TMEM182: variants seen among roughly 807,000 people sequenced by gnomAD.
TMEM182 encodes transmembrane protein 182.
TMEM182 carries 20 observed loss-of-function variants against 26.8 expected under a neutral mutation model. That is an observed-to-expected ratio of 0.75 (90% CI 0.53 to 1.09). The LOEUF is 1.09. Ranked by LOEUF, TMEM182 falls within the 50% of genes least tolerant of loss-of-function variation. The probability of loss-of-function intolerance (pLI) is 0.00; values close to 1 mark genes in which losing one functional copy is unlikely to be tolerated. For missense variants in TMEM182, 277 were observed against 275.5 expected, an observed-to-expected ratio of 1.01 and a Z score of -0.04; for synonymous variants, 109 against 102.2, an observed-to-expected ratio of 1.07 and a Z score of -0.40.
chr2:102,797,368 G>A (rs1681911942), intron 3 of TMEM182, among the ~76,000 whole-genome samples: 2 of 152,096 alleles, frequency 1.3e-5, no homozygotes, highest in Admixed American at 1.3e-4. Flanking sequence ...TGTGGTTAGG[G>A]GCTTGGGGTG....
chr2:102,764,293 C>A, intron 2 of TMEM182, 36 bp from the exon 3 acceptor site: 1 of 1,599,820 alleles, frequency 6.3e-7, no homozygotes, highest in Non-Finnish European at 8.6e-7. Flanking sequence ...CTGAGCTTTT[C>A]AATAACAAGT....
At chr2:102,752,890 G>T (rs1679916630) in intron 1 of TMEM182, among the ~76,000 whole-genome samples, 1 of 152,206 alleles carries the variant, frequency 6.6e-6, no homozygotes. Flanking sequence ...ATAACTGAAG[G>T]ACAGAAGAGG....
chr2:102,798,368 C>G (rs1311228910), intron 4 of TMEM182, among the ~76,000 whole-genome samples: 2 of 152,110 alleles, frequency 1.3e-5, no homozygotes, highest in African/African-American at 4.8e-5. Context: ...TATTAATTTT[C>G]TGTCTGTAAA....
chr2:102,774,526 A>G (rs1680828441), intron 3 of TMEM182, among the ~76,000 whole-genome samples: 2 of 151,698 alleles, frequency 1.3e-5, no homozygotes, highest in Non-Finnish European at 2.9e-5. Flanking sequence ...CAGCCTCCCA[A>G]AGTGCTGGGA....
chr2:102,807,841 C>T (rs1456703369), intron 4 of TMEM182, among the ~76,000 whole-genome samples: 1 of 152,182 alleles, frequency 6.6e-6, no homozygotes, highest in African/African-American at 2.4e-5. Context: ...AAAATTAATA[C>T]ATATGAAAAC....
At chr2:102,760,132 A>G (rs954698467), upstream of TMEM182, among the ~76,000 whole-genome samples, 10 of 152,230 alleles carry the variant, frequency 6.6e-5, no homozygotes, top group African/African-American at 2.4e-4. Context: ...GCACTTGAAA[A>G]TTGTAGGAAA....
At chr2:102,812,009 CAT>C (rs1336431961) in intron 4 of TMEM182, among the ~76,000 whole-genome samples, 2 of 152,102 alleles carry the variant, frequency 1.3e-5, no homozygotes, top group Non-Finnish European at 2.9e-5. Context: ...TATATATACA[CAT>C]GTGTATTTTA....
At position 102,816,546 on chromosome 2, in the gene TMEM182, T is replaced by TAATAAA. The variant is rs1553444501; in HGVS notation, c.*1580_*1581insTAAAAA. ...ATAATAATAATAATAATAATAATAATAAAGCTCCAGAGGCCTAACTGGTTT... is the reference window on the plus strand; with the variant it reads ...ATAATAATAATAATAATAATAATAATAATAAAAAAGCTCCAGAGGCCTAACTGGTTT... On this transcript the variant is annotated 3_prime_UTR_variant, in exon 5 of 5. Coordinates refer to ENST00000412401, the MANE Select transcript of TMEM182 (RefSeq NM_144632.5). The TAATAAA allele has an allele frequency of 3.8e-5, 37 of 971,148 alleles. No homozygotes were observed. In the African/African-American group the frequency reaches 6.2e-4, roughly 16 times the overall value. The allele number at this position is 971,148 out of a possible 1,614,324, so 60.2% of individuals were successfully genotyped here.
chr2:102,751,639 A>G (rs901106688), intron 1 of TMEM182, among the ~76,000 whole-genome samples: 1 of 151,862 alleles, frequency 6.6e-6, no homozygotes, highest in African/African-American at 2.4e-5. Context: ...TACCCTCACT[A>G]TCTGCTACAT....
At chr2:102,819,982 C>T (rs1682878261), downstream of TMEM182, among the ~76,000 whole-genome samples, 1 of 152,208 alleles carries the variant, frequency 6.6e-6, no homozygotes, top group Non-Finnish European at 1.5e-5. Flanking sequence ...ATGTTCTGCA[C>T]ACCAACTGGC....
chr2:102,768,007 G>A (rs940537702), intron 3 of TMEM182, among the ~76,000 whole-genome samples: 13 of 151,970 alleles, frequency 8.6e-5, no homozygotes, highest in Admixed American at 3.3e-4. Flanking sequence ...CTAACAGAGC[G>A]GGTTTATCTC....
At chr2:102,751,105 A>G (rs903289845) in intron 1 of TMEM182, among the ~76,000 whole-genome samples, 2 of 152,148 alleles carry the variant, frequency 1.3e-5, no homozygotes, top group African/African-American at 4.8e-5. Context: ...AGTTAAGGAC[A>G]TGGACATACA....
intron 2 of TMEM182, 64 bp downstream of exon 2, chr2:102,762,750 T>A: frequency 7.3e-7 from 1 of 1,371,708 alleles, no homozygotes; most frequent in East Asian, 2.3e-5. Context: ...GTTTCTTACA[T>A]AGTATATGTC....
chr2:102,811,532 C>T (rs915254829), intron 4 of TMEM182, among the ~76,000 whole-genome samples: 7 of 152,068 alleles, frequency 4.6e-5, no homozygotes, highest in Non-Finnish European at 4.4e-5. Flanking sequence ...ATTTCTTCTC[C>T]GAATTATTTT....
intron 1 of TMEM182, among the ~76,000 whole-genome samples, chr2:102,744,149 C>T (rs1224661230): frequency 6.6e-6 from 1 of 152,096 alleles, no homozygotes; most frequent in Admixed American, 6.5e-5. Flanking sequence ...GGTCAAAGAC[C>T]ACATTCTGGG....
chr2:102,748,065 C>A (rs1283597595), intron 1 of TMEM182, among the ~76,000 whole-genome samples: 2 of 152,206 alleles, frequency 1.3e-5, no homozygotes, highest in Non-Finnish European at 2.9e-5. Context: ...CATTTCGTAG[C>A]TCTCGTATCT....
In TMEM182 at chr2:102,780,513, G is replaced by C. The variant is rs549054643; in HGVS notation, c.331+16086G>C. 1.4e-3 allele frequency among the ~76,000 whole-genome samples: 218 copies of C among 152,240 alleles called. 2 individuals carry two copies. Among genetic ancestry groups the C allele is most frequent in the African/African-American group, 5.1e-3 (212 of 41,552 alleles). On this transcript the variant is annotated intron_variant, in intron 3 of 4. Transcript: ENST00000412401. The stretch of plus-strand genomic sequence containing the variant: ...GAGGGCATTATGCAGTGGGGGTGGT[G>C]AGGGTCCTGACCCTCCACTAGGCCT...
intron 3 of TMEM182, among the ~76,000 whole-genome samples, chr2:102,837,494 C>A (rs1240429995): frequency 7.3e-6 from 1 of 137,252 alleles, no homozygotes; most frequent in East Asian, 2.2e-4. Flanking sequence ...AGGGAATAGG[C>A]CAGCGTGGGC....
chr2:102,778,037 A>T (rs2732853), intron 3 of TMEM182, among the ~76,000 whole-genome samples: 82,848 of 151,672 alleles, frequency 0.55, 23,256 homozygotes, highest in African/African-American at 0.67. Context: ...GTTGATGATG[A>T]TGTCTAGTTT....
Sources: gnomAD v4.1 joint callset for allele counts (sites outside exome capture counted in the v4.1 genomes callset) on GRCh38, gnomAD v4.1.1 for gene constraint, MANE v1.5 for transcripts, NCBI Gene and HGNC (gene_info 2026-07-23, HGNC 2026-07-21) for gene names.